Variants in VWA7 observed in about 807,000 individuals in gnomAD.
The protein encoded by VWA7 is von Willebrand factor A domain-containing protein 7.
VWA7 carries 66 observed loss-of-function variants against 83.1 expected under a neutral mutation model. The ratio of observed to expected loss-of-function variants is 0.79; its 90% CI spans 0.65 to 0.98. The LOEUF (loss-of-function observed/expected upper bound fraction) is 0.98. Among genes scored for constraint, VWA7 ranks in the 50% least tolerant of loss-of-function variants. VWA7 has a pLI of 0.00. For missense variants in VWA7, 1,080 were observed against 1,160.2 expected (o/e 0.93, Z 1.00); for synonymous variants, 424 against 488.5 (o/e 0.87, Z 1.74).
chr6:31,770,372 T>G (rs1413726092), intron 7 of VWA7, among the ~76,000 whole-genome samples: 1 of 151,400 alleles, frequency 6.6e-6, no homozygotes, highest in African/African-American at 2.4e-5. Context: ...AAACCTCGTC[T>G]CTACTAAAAA....
rs1482509296 is a variant in VWA7 at position 31,769,273 on chromosome 6, G to A, written c.1318-70C>T. 6.5e-7 allele frequency: 1 copy of A among 1,532,078 alleles called. No homozygotes were observed. The highest frequency in any genetic ancestry group is 8.8e-7 in the Non-Finnish European group (1 of 1,133,286). 94.9% of individuals were successfully genotyped at this position (1,532,078 alleles called of 1,614,324 possible). On this transcript the variant is annotated intron_variant, in intron 9 of 16. Transcript: ENST00000375688. The surrounding 1 kb of genome is among the most constrained non-coding windows in gnomAD (Gnocchi z 4.5). ...TCCACTATTATGAATGAGAATCCCT[G>A]TGCTCAAGCTTTCTCCAGAGCTGAT...
At chr6:31,772,595 T>TC in intron 7 of VWA7, among the ~76,000 whole-genome samples, 1 of 130,936 alleles carries the variant, frequency 7.6e-6, no homozygotes, top group Non-Finnish European at 1.6e-5. Flanking sequence ...TTTTTTTTTT[T>TC]TTTTTTTTTT....
At chr6:31,774,721 G>A in intron 4 of VWA7, 95 bp from the exon 5 acceptor site, 1 of 1,044,942 alleles carries the variant, frequency 9.6e-7, no homozygotes, top group African/African-American at 1.6e-5. Flanking sequence ...CTCCCAGCTG[G>A]GATGAGGCGA....
chr6:31,775,411 T>A lies in VWA7; in HGVS notation c.532A>T (p.Asn178Tyr). The change falls in exon 4 of 17, where the codon AAC becomes TAC. Residue 178 changes from asparagine (N) to tyrosine (Y), a missense_variant. Asn to Tyr is a moderately radical substitution (Grantham distance 143). Transcript: ENST00000375688. The surrounding 1 kb of genome is among the most constrained non-coding windows in gnomAD (Gnocchi z 5.9). ...TGCTGCTCGCCCAGCTCCACCCAGT[T>A]GCTATGACTGTAGAAATCCTGGTCC... is the stretch of plus-strand genomic sequence containing the variant. ...HALQDFYSHS[N>Y]WVELGEQQPH... 6.2e-7 allele frequency: 1 copy of A among 1,612,222 alleles called. No homozygotes were observed. The highest frequency in any genetic ancestry group is 8.5e-7 in the Non-Finnish European group (1 of 1,179,662).
At position 31,766,598 on chromosome 6, in the gene VWA7, G is replaced by A. The variant is rs766428392; in HGVS notation, c.2049C>T (p.Leu683=). 64 of 1,612,924 alleles carry A rather than the reference G, an allele frequency of 4.0e-5. No individual in the cohort carries two copies. The highest frequency in any genetic ancestry group is 1.6e-4 in the East Asian group (7 of 44,900). The change falls in exon 14 of 17, where the codon CTC becomes CTT. Residue 683 remains leucine (L), a synonymous_variant. Transcript: ENST00000375688. The surrounding 1 kb of genome is among the most constrained non-coding windows in gnomAD (Gnocchi z 4.9). ...EPVGPPERGL[L]AASLSPTLLS... ...GCAGCGTGGGCGACAGCGAGGCTGC[G>A]AGGAGACCTCGCTCCGGAGGTCCCA...
rs373628164 is a variant in VWA7 at position 31,766,966 on chromosome 6, T to C, written c.1882+192A>G. Among the ~76,000 whole-genome samples, 12 of 151,722 alleles carry C rather than the reference T, an allele frequency of 7.9e-5. No homozygotes were observed. In the East Asian group the frequency reaches 1.7e-3, roughly 22 times the overall value. Reference sequence around the variant, plus strand: ...TATATCCTGAACTGGGTGTATTATATGAAATCCATCAAACTGTACACTTTA... The same window carrying C: ...TATATCCTGAACTGGGTGTATTATACGAAATCCATCAAACTGTACACTTTA... On this transcript the variant is annotated intron_variant, in intron 13 of 16. Transcript: ENST00000375688. The surrounding 1 kb of genome is among the most constrained non-coding windows in gnomAD (Gnocchi z 4.9).
chr6:31,767,979 AAAT>A (rs1291789403), intron 10 of VWA7, among the ~76,000 whole-genome samples: 34 of 151,464 alleles, frequency 2.2e-4, no homozygotes, highest in Non-Finnish European at 4.1e-4. Context: ...AAAAAAAAAA[AAAT>A]ACAAAAAATT....
intron 10 of VWA7, among the ~76,000 whole-genome samples, 200 bp downstream of exon 10, chr6:31,768,818 T>C (rs1811882835): frequency 6.6e-6 from 1 of 150,886 alleles, no homozygotes; most frequent in Non-Finnish European, 1.5e-5. Context: ...CACTCCAACC[T>C]GGGTGACCAT....
rs191704582 is a variant in VWA7 at position 31,770,121 on chromosome 6, G to A, written c.1088-8C>T. ...TAAAGACAGGGCCGAACCCTGGGAA[G>A]GGGAAAGGAGGTTAAGATAAGTGAG... On this transcript the variant is annotated splice_region_variant and splice_polypyrimidine_tract_variant and intron_variant, in intron 7 of 16. Transcript: ENST00000375688. 1.1e-5 allele frequency: 17 copies of A among 1,610,156 alleles called. No homozygotes were observed. The African/African-American group carries it at 2.0e-4, about 19-fold the overall frequency.
chr6:31,766,369 C>T lies in VWA7; in HGVS notation c.2200G>A (p.Gly734Ser), dbSNP rs772964372. Residue 734 changes from glycine (G) to serine (S), a missense_variant, in exon 15 of 17, where the codon GGT becomes AGT. Coordinates refer to ENST00000375688, the MANE Select transcript of VWA7 (RefSeq NM_025258.3). This position sits in a 1 kb window ranked among gnomAD's most constrained non-coding sequence, Gnocchi z 4.9. ...PVLLELSGPS[G>S]FLAPGSKVPL... ...ACTTTGCTGCCCGGGGCCAAGAAAC[C>T]CGAGGGGCCACTAAGCTGCAGAGAA... 6.2e-7 allele frequency: 1 copy of T among 1,601,468 alleles called. No homozygotes were observed. The highest frequency in any genetic ancestry group is 1.3e-5 in the African/African-American group (1 of 74,852).
rs1812503145 is a variant in VWA7 at position 31,774,503 on chromosome 6, T to C, written c.721+13A>G. 1 of 1,611,670 alleles carries C rather than the reference T, an allele frequency of 6.2e-7. No individual in the cohort carries two copies. Among genetic ancestry groups the C allele is most frequent in the African/African-American group, 1.3e-5 (1 of 74,848 alleles). ...TTCTCCCCTTACTTCTGGGGAACTT[T>C]CTTGTCTGGTACCTGGAGGTTTCGG... On this transcript the variant is annotated intron_variant, in intron 5 of 16. Coordinates refer to ENST00000375688, the MANE Select transcript of VWA7 (RefSeq NM_025258.3).
chr6:31,777,199 G>T lies in VWA7; in HGVS notation c.-106C>A, dbSNP rs1371962838. ...TTATAATTAACCGAGGCTCAGCAGA[G>T]GGGGAGGAAGGCCTCAACAGGGTGG... On this transcript the variant is annotated 5_prime_UTR_variant, in exon 1 of 17. Transcript: ENST00000375688. This position sits in a 1 kb window ranked among gnomAD's most constrained non-coding sequence, Gnocchi z 5.8. 1 of 389,434 alleles carries T rather than the reference G, an allele frequency of 2.6e-6. No homozygotes were observed. The highest frequency in any genetic ancestry group is 4.1e-5 in the Admixed American group (1 of 24,336). The allele number at this position is 389,434 out of a possible 1,614,324, so 24.1% of individuals were successfully genotyped here. A position where few individuals can be genotyped will look rare whatever the true frequency, so the allele number is the denominator to read the frequency against.
chr6:31,767,669 A>G lies in VWA7; in HGVS notation c.1589T>C (p.Val530Ala). 6.2e-7 allele frequency: 1 copy of G among 1,613,698 alleles called. No homozygotes were observed. The change falls in exon 11 of 17, where the codon GTC (valine) becomes GCC (alanine). Residue 530 changes from valine to alanine, a missense_variant. By Grantham distance (64) the Val-to-Ala change is moderately conservative. Transcript: ENST00000375688. ...GCTGCTGATGTCTCCGTGGATCCGG[A>G]CTGTGATCTTCTGGAGCAGCCCATC... ...SVDGLLQKIT[V>A]RIHGDISSFW... is the part of the protein sequence containing the mutation.
chr6:31,765,959 G>A lies in VWA7; in HGVS notation c.2423C>T (p.Ala808Val). ...PDSVVMVTVT[A>V]GGREANPVPP... ...TACTGGGTTGGCTTCTCGTCCCCCT[G>A]CAGTCACAGTCACCATCACCACGGA... The change falls in exon 16 of 17, where the codon GCA (alanine) becomes GTA (valine). Residue 808 changes from alanine (A) to valine (V), a missense_variant. Coordinates refer to ENST00000375688, the MANE Select transcript of VWA7 (RefSeq NM_025258.3). 3 of 1,613,112 alleles carry A rather than the reference G, an allele frequency of 1.9e-6. No individual in the cohort carries two copies. Among genetic ancestry groups the A allele is most frequent in the Non-Finnish European group, 2.5e-6 (3 of 1,180,036 alleles).
chr6:31,771,990 CAAAAAAAA>C (rs34193146), intron 7 of VWA7, among the ~76,000 whole-genome samples: 4 of 41,936 alleles, frequency 9.5e-5, no homozygotes, highest in South Asian at 9.4e-4. Flanking sequence ...GACTCCGTCT[CAAAAAAAA>C]AAAAAAAAAA....
Position 31,775,206 on chromosome 6 carries a change from G to A in VWA7, c.610+127C>T. 1.3e-6 allele frequency: 1 copy of A among 778,488 alleles called. No individual in the cohort carries two copies. Among genetic ancestry groups the A allele is most frequent in the Non-Finnish European group, 2.0e-6 (1 of 510,470 alleles). 48.2% of individuals were successfully genotyped at this position (778,488 alleles called of 1,614,324 possible). On this transcript the variant is annotated intron_variant, in intron 4 of 16. Coordinates refer to ENST00000375688, the MANE Select transcript of VWA7 (RefSeq NM_025258.3). This position sits in a 1 kb window ranked among gnomAD's most constrained non-coding sequence, Gnocchi z 5.9. ...CTGAGCCAGGCGTTGCTTGGACTGGGGGACCTCAGTCCTTGTGGAGATTAA... is the reference window on the plus strand; with the variant it reads ...CTGAGCCAGGCGTTGCTTGGACTGGAGGACCTCAGTCCTTGTGGAGATTAA...
At position 31,775,436 on chromosome 6, in the gene VWA7, C is replaced by T. The variant is rs1446852849; in HGVS notation, c.514-7G>A. 33 of 1,610,054 alleles carry T rather than the reference C, an allele frequency of 2.0e-5. No homozygotes were observed. Among genetic ancestry groups the T allele is most frequent in the Admixed American group, 3.3e-5 (2 of 59,726 alleles). On this transcript the variant is annotated splice_polypyrimidine_tract_variant and splice_region_variant and intron_variant, in intron 3 of 16. Transcript: ENST00000375688. This position sits in a 1 kb window ranked among gnomAD's most constrained non-coding sequence, Gnocchi z 5.9. ...TGCTATGACTGTAGAAATCCTGGTC[C>T]GGAGGACAGGAGAAGGGGAGTGAGG...
chr6:31,775,209 A>T lies in VWA7; in HGVS notation c.610+124T>A. 1.3e-6 allele frequency: 1 copy of T among 780,670 alleles called. No homozygotes were observed. Among genetic ancestry groups the T allele is most frequent in the Non-Finnish European group, 1.9e-6 (1 of 513,722 alleles). The allele number at this position is 780,670 out of a possible 1,614,324, so 48.4% of individuals were successfully genotyped here. On this transcript the variant is annotated intron_variant, in intron 4 of 16. Transcript: ENST00000375688. The surrounding 1 kb of genome is among the most constrained non-coding windows in gnomAD (Gnocchi z 5.9). ...AGCCAGGCGTTGCTTGGACTGGGGGACCTCAGTCCTTGTGGAGATTAAGTA... is the reference window on the plus strand; with the variant it reads ...AGCCAGGCGTTGCTTGGACTGGGGGTCCTCAGTCCTTGTGGAGATTAAGTA...
rs762838970 is a variant in VWA7 at position 31,766,036 on chromosome 6, CTCAT to C, written c.2342_2345del (p.Asn781SerfsTer21). 4.7e-5 allele frequency: 76 copies of C among 1,613,068 alleles called. No homozygotes were observed. In the South Asian group the frequency reaches 6.3e-4, roughly 13 times the overall value. On this transcript the variant is annotated frameshift_variant, in exon 16 of 17. Coordinates refer to ENST00000375688, the MANE Select transcript of VWA7 (RefSeq NM_025258.3). LOFTEE classifies it high-confidence loss of function. The surrounding 1 kb of genome is among the most constrained non-coding windows in gnomAD (Gnocchi z 4.9). ...CCAGCCACAGGCGGCCCCAGGCCGA[CTCAT>C]TCAGTTCCAGGTGAGCCCTGGAGAG...
Sources: allele counts gnomAD v4.1 joint callset (sites outside exome capture counted in the v4.1 genomes callset), GRCh38; gene constraint gnomAD v4.1.1; non-coding constraint Gnocchi (gnomAD v3.1); transcripts MANE v1.5; gene names NCBI Gene and HGNC (gene_info 2026-07-23, HGNC 2026-07-21).